The following FSTL4 variants were observed in gnomAD, a reference collection of about 807,000 sequenced individuals.
FSTL4 encodes follistatin like 4.
A neutral mutation model predicts 78.2 loss-of-function variants in FSTL4; 28 were observed. The ratio of observed to expected loss-of-function variants is 0.36; its 90% CI spans 0.27 to 0.49. FSTL4 has a LOEUF of 0.49. FSTL4 is among the 20% of genes least tolerant of loss of function. FSTL4 has a pLI of 0.98. For synonymous variants in FSTL4, 422 were observed against 440.5 expected (o/e 0.96, Z 0.53); for missense variants, 922 against 1,084.9 (o/e 0.85, Z 2.11).
the FSTL4 span, among the ~76,000 whole-genome samples, chr5:133,838,903 G>A: frequency 2.6e-5 from 4 of 152,190 alleles, no homozygotes; most frequent in Non-Finnish European, 5.9e-5. Context: ...GACATCACAC[G>A]CATGGGCACA....
chr5:133,440,238 G>A lies in FSTL4; in HGVS notation c.161-39252C>T, dbSNP rs1342537026. On this transcript the variant is annotated intron_variant, in intron 3 of 15. Transcript: ENST00000265342. The surrounding 1 kb of genome is among the most constrained non-coding windows in gnomAD (Gnocchi z 4.1). ...AGGGCCTCAGCGGGCAAGGTGGGCC[G>A]CTGACAAGGTGTCTTGACAGGAACA... 2.0e-5 allele frequency among the ~76,000 whole-genome samples: 3 copies of A among 152,148 alleles called. No individual in the cohort carries two copies. Among genetic ancestry groups the A allele is most frequent in the Admixed American group, 6.5e-5 (1 of 15,276 alleles).
chr5:133,256,978 G>A (rs1397624652), intron 6 of FSTL4, among the ~76,000 whole-genome samples: 1 of 152,184 alleles, frequency 6.6e-6, no homozygotes, highest in Non-Finnish European at 1.5e-5. Context: ...CTGCTCTCTG[G>A]TGTGAACAAA....
intron 3 of FSTL4, among the ~76,000 whole-genome samples, chr5:133,526,244 C>T (rs1027687018): frequency 1.3e-5 from 2 of 152,108 alleles, no homozygotes; most frequent in Admixed American, 1.3e-4. Context: ...CACTATACAG[C>T]TGGGGAGATG....
At chr5:133,830,599 C>G in the FSTL4 span, among the ~76,000 whole-genome samples, 297 of 152,314 alleles carry the variant, frequency 1.9e-3, 3 homozygotes, top group Non-Finnish European at 1.6e-3. Context: ...ACCATCGGGA[C>G]AGAAAATCAT....
intron 3 of FSTL4, among the ~76,000 whole-genome samples, chr5:133,469,083 C>T (rs2112846595): frequency 6.6e-6 from 1 of 152,290 alleles, no homozygotes; most frequent in Non-Finnish European, 1.5e-5. Flanking sequence ...TGAACAAATG[C>T]ACAGACATGT....
intron 6 of FSTL4, chr5:133,275,643 C>T (rs371726630): frequency 6.6e-6 from 1 of 152,098 alleles, no homozygotes; most frequent in Non-Finnish European, 1.5e-5. Context: ...GTGTGGACCC[C>T]TGTGTGACTA....
the FSTL4 span, among the ~76,000 whole-genome samples, chr5:133,735,878 T>C: frequency 6.6e-6 from 1 of 152,184 alleles, no homozygotes; most frequent in African/African-American, 2.4e-5. Context: ...CAAAACTGCA[T>C]CATGGTAGAG....
the FSTL4 span, among the ~76,000 whole-genome samples, chr5:133,704,912 C>T: frequency 2.2e-4 from 34 of 152,240 alleles, no homozygotes; most frequent in Non-Finnish European, 4.0e-4. Context: ...GATATGGAAA[C>T]ATGAAAACGC....
At chr5:133,658,763 G>A in the FSTL4 span, among the ~76,000 whole-genome samples, 3 of 152,010 alleles carry the variant, frequency 2.0e-5, no homozygotes, top group Non-Finnish European at 4.4e-5. Context: ...TTTATTTAAA[G>A]CCATAAATTT....
the FSTL4 span, among the ~76,000 whole-genome samples, chr5:133,721,353 C>T: frequency 6.6e-6 from 1 of 152,194 alleles, no homozygotes; most frequent in African/African-American, 2.4e-5. Context: ...TCTGGCTACA[C>T]ATTTACCTCT....
chr5:133,251,197 AAGAG>A (rs1177661739), intron 6 of FSTL4, among the ~76,000 whole-genome samples: 1 of 152,214 alleles, frequency 6.6e-6, no homozygotes, highest in Non-Finnish European at 1.5e-5. Flanking sequence ...GGAGAGGGGA[AAGAG>A]AGAGAATGAG....
chr5:133,248,959 C>A (rs924074924), intron 7 of FSTL4, among the ~76,000 whole-genome samples: 2 of 152,236 alleles, frequency 1.3e-5, no homozygotes, highest in Admixed American at 1.3e-4. Flanking sequence ...CCCTTCCCTG[C>A]ACACAGCTGT....
At chr5:133,660,985 ATT>A in the FSTL4 span, among the ~76,000 whole-genome samples, 2 of 151,476 alleles carry the variant, frequency 1.3e-5, no homozygotes, top group Non-Finnish European at 2.9e-5. Context: ...TCAAAACTTT[ATT>A]TTTTTTTACT....
chr5:133,386,419 C>T lies in FSTL4; in HGVS notation c.409+14319G>A, dbSNP rs1208825145. Among the ~76,000 whole-genome samples, 3 of 152,274 alleles carry T rather than the reference C, an allele frequency of 2.0e-5. No individual in the cohort carries two copies. In the East Asian group the frequency reaches 5.8e-4, roughly 29 times the overall value. On this transcript the variant is annotated intron_variant, in intron 4 of 15. Coordinates refer to ENST00000265342, the MANE Select transcript of FSTL4 (RefSeq NM_015082.2). ...TAGACAGGCACGCTCAACTGTGCAT[C>T]TTGTTTTGTGCCAACTGTTTCTCTA...
chr5:133,541,943 C>T (rs933842325), intron 3 of FSTL4, among the ~76,000 whole-genome samples: 2 of 151,892 alleles, frequency 1.3e-5, no homozygotes, highest in Non-Finnish European at 2.9e-5. Context: ...CACACACACA[C>T]ACACACACTC....
chr5:133,556,541 C>T (rs1165223531), intron 3 of FSTL4, among the ~76,000 whole-genome samples: 5 of 152,148 alleles, frequency 3.3e-5, no homozygotes, highest in African/African-American at 1.2e-4. Context: ...GCCTGGCCAA[C>T]TTGGTGAAAC....
chr5:133,260,411 G>A lies in FSTL4; in HGVS notation c.728-10835C>T, dbSNP rs73788023. On this transcript the variant is annotated intron_variant, in intron 6 of 15. Transcript: ENST00000265342. ...TAAACAGGCATCTGCAGACCATTTT[G>A]AACGGTTTACATCAGTGTATTTGTT... Among the ~76,000 whole-genome samples, 807 of 152,336 alleles carry A rather than the reference G, an allele frequency of 5.3e-3. 10 individuals carry two copies. Among genetic ancestry groups the A allele is most frequent in the African/African-American group, 0.018 (736 of 41,572 alleles).
chr5:133,839,081 C>T, the FSTL4 span, among the ~76,000 whole-genome samples: 1 of 152,162 alleles, frequency 6.6e-6, no homozygotes, highest in Non-Finnish European at 1.5e-5. Flanking sequence ...AAAAGACTGC[C>T]GTGACTGTGT....
At chr5:133,524,722 G>A (rs1003276959) in intron 3 of FSTL4, among the ~76,000 whole-genome samples, 16 of 152,286 alleles carry the variant, frequency 1.1e-4, no homozygotes, top group African/African-American at 3.6e-4. Flanking sequence ...TGATTCAAAC[G>A]TATAGCGCTA....
Sources: allele counts gnomAD v4.1 joint callset (sites outside exome capture counted in the v4.1 genomes callset), GRCh38; gene constraint gnomAD v4.1.1; non-coding constraint Gnocchi (gnomAD v3.1); transcripts MANE v1.5; gene names NCBI Gene and HGNC (gene_info 2026-07-23, HGNC 2026-07-21).